The following CREBRF variants were observed in gnomAD, a reference collection of about 807,000 sequenced individuals.
CREBRF encodes UPF0474 protein C5orf41.
In CREBRF, 5 loss-of-function variants were observed where a neutral mutation model predicts 66.1. That is an observed-to-expected ratio of 0.08 (90% CI 0.04 to 0.16). CREBRF has a LOEUF of 0.16. CREBRF is among the 10% of genes least tolerant of loss of function. The pLI is 1.00. For synonymous variants in CREBRF, 229 were observed against 264.4 expected (o/e 0.87, Z 1.30); for missense variants, 531 against 744.9 (o/e 0.71, Z 3.34).
intron 8 of CREBRF, among the ~76,000 whole-genome samples, chr5:173,125,967 C>G (rs1053835992): frequency 3.3e-5 from 5 of 152,172 alleles, no homozygotes; most frequent in Non-Finnish European, 7.3e-5. Flanking sequence ...CATGTGAGGT[C>G]AAGAGTTCTA....
intron 1 of CREBRF, among the ~76,000 whole-genome samples, chr5:173,058,301 T>C (rs1757136303): frequency 6.6e-6 from 1 of 152,220 alleles, no homozygotes; most frequent in Non-Finnish European, 1.5e-5. Flanking sequence ...AACCTGTGGC[T>C]ACGTTGGTAT....
intron 4 of CREBRF, among the ~76,000 whole-genome samples, chr5:173,100,332 A>G (rs542904225): frequency 6.6e-5 from 10 of 151,854 alleles, no homozygotes; most frequent in African/African-American, 2.4e-4. Flanking sequence ...TACTAGCATT[A>G]AAAGTGTTTT....
intron 4 of CREBRF, among the ~76,000 whole-genome samples, chr5:173,106,715 C>A (rs1273267335): frequency 6.7e-6 from 1 of 150,040 alleles, no homozygotes; most frequent in Non-Finnish European, 1.5e-5. Context: ...TTTGATCACC[C>A]CCGAAAATTC....
intron 6 of CREBRF, 23 bp from the exon 7 acceptor site, chr5:173,112,283 C>T: frequency 1.3e-6 from 2 of 1,522,204 alleles, no homozygotes; most frequent in Non-Finnish European, 1.8e-6. Flanking sequence ...AGAAAGTGAA[C>T]TAACTGCTCC....
At chr5:173,130,940 CAA>C (rs759391251) in intron 8 of CREBRF, among the ~76,000 whole-genome samples, 31 of 152,152 alleles carry the variant, frequency 2.0e-4, no homozygotes, top group Non-Finnish European at 3.7e-4. Context: ...CTCCTGACCC[CAA>C]GTGATCCGCC....
At chr5:173,114,472 A>T (rs1581037562) in intron 7 of CREBRF, among the ~76,000 whole-genome samples, 1 of 152,322 alleles carries the variant, frequency 6.6e-6, no homozygotes, top group East Asian at 1.9e-4. Context: ...TATTTTGCCA[A>T]GTGAGAACAA....
chr5:173,090,225 G>A lies in CREBRF; in HGVS notation c.136-90G>A, dbSNP rs1037383745. ...GCCTTTATGTTAAAACAGACCAAAA[G>A]TCAAGTATTGATTTATCAGTTTGAC... On this transcript the variant is annotated intron_variant, in intron 3 of 8. Transcript: ENST00000296953. This position sits in a 1 kb window ranked among gnomAD's most constrained non-coding sequence, Gnocchi z 4.5. 1.6e-5 allele frequency: 17 copies of A among 1,065,632 alleles called. No homozygotes were observed. The highest frequency in any genetic ancestry group is 1.9e-5 in the Non-Finnish European group (14 of 743,424). 66.0% of individuals were successfully genotyped at this position (1,065,632 alleles called of 1,614,324 possible).
chr5:173,086,468 T>C, intron 2 of CREBRF, 33 bp from the exon 3 acceptor site: 1 of 1,608,872 alleles, frequency 6.2e-7, no homozygotes, highest in Non-Finnish European at 8.5e-7. Flanking sequence ...AAGTAGTCTT[T>C]AACTTTCTAA....
Position 173,086,507 on chromosome 5 carries a change from G to A in CREBRF, c.16G>A (p.Val6Ile). ...AAAAATCACTCTGTTGTAGCCTAGT[G>A]TAAGCGGAATGGATCCGCCTTTCGG... MPQPS[V>I]SGMDPPFGDA... is the part of the protein sequence containing the mutation. The change falls in exon 3 of 9, where the codon GTA (valine) becomes ATA (isoleucine). Residue 6 changes from valine to isoleucine, a missense_variant. This residue lies in a region of CREBRF where 133 missense variants were observed against 215.6 expected (regional missense o/e 0.62). Coordinates refer to ENST00000296953, the MANE Select transcript of CREBRF (RefSeq NM_153607.3). The A allele has an allele frequency of 6.2e-7, 1 of 1,613,816 alleles. No individual in the cohort carries two copies. Among genetic ancestry groups the A allele is most frequent in the Non-Finnish European group, 8.5e-7 (1 of 1,179,858 alleles).
Position 173,115,029 on chromosome 5 carries a change from A to G in CREBRF, c.1681+2650A>G, listed in dbSNP as rs574287964. Among the ~76,000 whole-genome samples, 246 of 151,858 alleles carry G rather than the reference A, an allele frequency of 1.6e-3. 1 individual carries two copies. Among genetic ancestry groups the G allele is most frequent in the Non-Finnish European group, 3.0e-3 (206 of 67,960 alleles). The stretch of plus-strand genomic sequence containing the variant: ...TCCCTGCCCCGTAATGTGTTTGGAC[A>G]CTGTCAAGGCTTGAGAAGAACTATT... On this transcript the variant is annotated intron_variant, in intron 7 of 8. Coordinates refer to ENST00000296953, the MANE Select transcript of CREBRF (RefSeq NM_153607.3).
At chr5:173,080,273 TA>T (rs1185334548) in intron 1 of CREBRF, among the ~76,000 whole-genome samples, 2 of 151,852 alleles carry the variant, frequency 1.3e-5, no homozygotes, top group Non-Finnish European at 2.9e-5. Flanking sequence ...AGCTTGACTT[TA>T]AAAATCAATA....
At position 173,090,171 on chromosome 5, in the gene CREBRF, A is replaced by G. The variant is rs1758284960; in HGVS notation, c.136-144A>G. 2 of 540,478 alleles carry G rather than the reference A, an allele frequency of 3.7e-6. No individual in the cohort carries two copies. Among genetic ancestry groups the G allele is most frequent in the African/African-American group, 1.9e-5 (1 of 53,340 alleles). 33.5% of individuals were successfully genotyped at this position (540,478 alleles called of 1,614,324 possible). On this transcript the variant is annotated intron_variant, in intron 3 of 8. Transcript: ENST00000296953. This position sits in a 1 kb window ranked among gnomAD's most constrained non-coding sequence, Gnocchi z 4.5. ...TCTTGCCTAAGGAAATGATGACATT[A>G]TATGAAATGATAAAGCGTCCTGTCA...
intron 7 of CREBRF, among the ~76,000 whole-genome samples, chr5:173,113,412 A>G (rs897047079): frequency 6.6e-6 from 1 of 151,828 alleles, no homozygotes; most frequent in African/African-American, 2.4e-5. Context: ...AGGTTCAAGC[A>G]GTTCTCTTGC....
At position 173,108,730 on chromosome 5, in the gene CREBRF, A is replaced by G. The variant is rs1561811323; in HGVS notation, c.1329A>G (p.Pro443=). The change falls in exon 5 of 9, where the codon CCA becomes CCG. Residue 443 remains proline, a synonymous_variant. Coordinates refer to ENST00000296953, the MANE Select transcript of CREBRF (RefSeq NM_153607.3). ...GGGAGTATAGTGAACAACTTACACC[A>G]TCACAGCAAGAGAGGATGCTGAGAC... ...YFWEYSEQLT[P]SQQERMLRPS... is the part of the protein sequence containing the mutation. 2 of 1,614,172 alleles carry G rather than the reference A, an allele frequency of 1.2e-6. No homozygotes were observed. Among genetic ancestry groups the G allele is most frequent in the Non-Finnish European group, 1.7e-6 (2 of 1,180,016 alleles).
chr5:173,065,469 CTT>C (rs1757406481), intron 1 of CREBRF, among the ~76,000 whole-genome samples: 1 of 152,098 alleles, frequency 6.6e-6, no homozygotes, highest in African/African-American at 2.4e-5. Context: ...GTACCTCTGA[CTT>C]TGGTTGATTG....
At chr5:173,088,705 T>A (rs1408755463) in intron 3 of CREBRF, among the ~76,000 whole-genome samples, 2 of 151,812 alleles carry the variant, frequency 1.3e-5, no homozygotes, top group African/African-American at 2.4e-5. Context: ...CACTTAAAAT[T>A]CAGAAGAAAA....
chr5:173,084,706 A>G (rs1758078766), intron 2 of CREBRF, among the ~76,000 whole-genome samples: 1 of 152,164 alleles, frequency 6.6e-6, no homozygotes, highest in Non-Finnish European at 1.5e-5. Flanking sequence ...CAGTGGCACG[A>G]TCTCGGCTCA....
Position 173,086,108 on chromosome 5 carries a change from A to C in CREBRF, c.10-393A>C, listed in dbSNP as rs1395402042. On this transcript the variant is annotated intron_variant, in intron 2 of 8. Transcript: ENST00000296953. ...CTGTGACTGCATAGTTGTCAAAAAC[A>C]GTACGTTATTCCGATGGAAATTTGT... is the stretch of plus-strand genomic sequence containing the variant. The C allele has an allele frequency of 4.9e-6, 4 of 813,472 alleles. No individual in the cohort carries two copies. The African/African-American group carries it at 6.7e-5, about 14-fold the overall frequency. The allele number at this position is 813,472 out of a possible 1,614,324, so 50.4% of individuals were successfully genotyped here.
At chr5:173,126,988 A>G (rs887484088) in intron 8 of CREBRF, among the ~76,000 whole-genome samples, 1 of 152,074 alleles carries the variant, frequency 6.6e-6, no homozygotes, top group Non-Finnish European at 1.5e-5. Context: ...GGAGCTCAAG[A>G]CCAGCCTGAA....
Sources: allele counts gnomAD v4.1 joint callset (sites outside exome capture counted in the v4.1 genomes callset), GRCh38; gene constraint gnomAD v4.1.1; regional missense constraint gnomAD v4.1.1; non-coding constraint Gnocchi (gnomAD v3.1); transcripts MANE v1.5; gene names NCBI Gene and HGNC (gene_info 2026-07-23, HGNC 2026-07-21).